Variants in PTDSS1 observed in about 807,000 individuals in gnomAD.
The protein encoded by PTDSS1 is PSS-1.
In PTDSS1, 45 loss-of-function variants were observed where a neutral mutation model predicts 70.5. That is an observed-to-expected ratio of 0.64 (90% CI 0.50 to 0.82). The LOEUF (loss-of-function observed/expected upper bound fraction) is 0.82. Ranked by LOEUF, PTDSS1 falls within the 40% of genes least tolerant of loss-of-function variation. The probability of loss-of-function intolerance (pLI) is 0.00; values close to 1 mark genes in which losing one functional copy is unlikely to be tolerated. For synonymous variants in PTDSS1, 188 were observed against 203.8 expected, an observed-to-expected ratio of 0.92 and a Z score of 0.66; for missense variants, 417 against 586.1, an observed-to-expected ratio of 0.71 and a Z score of 2.98.
chr8:96,299,912 G>A lies in PTDSS1; in HGVS notation c.752+67G>A. 3.3e-6 allele frequency: 5 copies of A among 1,505,360 alleles called. No homozygotes were observed. In the South Asian group the frequency reaches 5.2e-5, roughly 16 times the overall value. 93.3% of individuals were successfully genotyped at this position (1,505,360 alleles called of 1,614,324 possible). ...GATATATATTTAATTGTTTTGGTAG[G>A]AATCCATTTTAGTATGATCTTTGAT... On this transcript the variant is annotated intron_variant, in intron 6 of 12. Transcript: ENST00000517309.
At chr8:96,327,337 G>T (rs1005099405) in intron 10 of PTDSS1, among the ~76,000 whole-genome samples, 1 of 152,100 alleles carries the variant, frequency 6.6e-6, no homozygotes, top group Non-Finnish European at 1.5e-5. Flanking sequence ...AAGACAGGCA[G>T]AATCTCTGAT....
chr8:96,290,091 T>C (rs916529666), intron 4 of PTDSS1, among the ~76,000 whole-genome samples: 5 of 152,220 alleles, frequency 3.3e-5, no homozygotes, highest in Admixed American at 2.0e-4. Flanking sequence ...GGGGAGGAGA[T>C]GGAAGCTTAA....
At chr8:96,309,889 G>A (rs1811182954) in intron 9 of PTDSS1, among the ~76,000 whole-genome samples, 1 of 152,036 alleles carries the variant, frequency 6.6e-6, no homozygotes. Flanking sequence ...TTGGCCGGGT[G>A]CAGTGGCTCA....
chr8:96,326,961 G>T (rs758184794), intron 10 of PTDSS1, among the ~76,000 whole-genome samples: 2 of 152,196 alleles, frequency 1.3e-5, no homozygotes, highest in Admixed American at 1.3e-4. Context: ...GGGGACTTGA[G>T]TGCCACTCCA....
At chr8:96,278,553 T>A (rs1293303400) in intron 2 of PTDSS1, among the ~76,000 whole-genome samples, 1 of 152,226 alleles carries the variant, frequency 6.6e-6, no homozygotes, top group Non-Finnish European at 1.5e-5. Context: ...GCCTCTTCAG[T>A]TCTCCTCTTC....
intron 11 of PTDSS1, chr8:96,330,747 G>A (rs956912686): frequency 2.9e-5 from 13 of 451,198 alleles, no homozygotes; most frequent in Non-Finnish European, 4.8e-5. Context: ...CTGGTAGACG[G>A]TAATATTTTT....
intron 7 of PTDSS1, among the ~76,000 whole-genome samples, chr8:96,305,263 G>A (rs1026435603): frequency 2.6e-5 from 4 of 152,344 alleles, no homozygotes; most frequent in South Asian, 2.1e-4. Context: ...TGAGCACTGC[G>A]CTGGGATCAG....
chr8:96,291,025 A>G (rs1403249626), intron 4 of PTDSS1, among the ~76,000 whole-genome samples: 3 of 151,560 alleles, frequency 2.0e-5, no homozygotes, highest in African/African-American at 7.3e-5. Context: ...GCTGCATTTC[A>G]AAATATTGAT....
At chr8:96,307,037 C>T (rs1022888318) in intron 8 of PTDSS1, among the ~76,000 whole-genome samples, 8 of 152,116 alleles carry the variant, frequency 5.3e-5, no homozygotes, top group Non-Finnish European at 1.2e-4. Context: ...TCCAGGACAA[C>T]TGAGATAAGC....
chr8:96,333,605 A>T lies in PTDSS1; in HGVS notation c.*39A>T, dbSNP rs1273535608. On this transcript the variant is annotated 3_prime_UTR_variant, in exon 13 of 13. Coordinates refer to ENST00000517309, the MANE Select transcript of PTDSS1 (RefSeq NM_014754.3). ...ATCAAAGATGTTCCAGAGTGCCTAG[A>T]ACTGAGAGGGAAATGGAACTCATTT... 1 of 1,559,648 alleles carries T rather than the reference A, an allele frequency of 6.4e-7. No homozygotes were observed. Among genetic ancestry groups the T allele is most frequent in the South Asian group, 1.1e-5 (1 of 89,954 alleles).
intron 2 of PTDSS1, among the ~76,000 whole-genome samples, chr8:96,277,210 A>T (rs1297955705): frequency 1.3e-5 from 2 of 152,244 alleles, no homozygotes; most frequent in African/African-American, 4.8e-5. Context: ...TTTTCTAAAG[A>T]TCTGTTTATT....
chr8:96,266,925 G>A (rs1203821469), intron 1 of PTDSS1, among the ~76,000 whole-genome samples: 4 of 151,982 alleles, frequency 2.6e-5, no homozygotes, highest in Admixed American at 6.5e-5. Flanking sequence ...TTTCTCTGGG[G>A]TCTACTGCAG....
chr8:96,272,037 T>C (rs1810574155), intron 1 of PTDSS1, among the ~76,000 whole-genome samples: 1 of 152,226 alleles, frequency 6.6e-6, no homozygotes, highest in Non-Finnish European at 1.5e-5. Flanking sequence ...TCATATCTTT[T>C]GCCCGTTTTT....
intron 10 of PTDSS1, among the ~76,000 whole-genome samples, chr8:96,326,112 A>C (rs1199801694): frequency 6.6e-6 from 1 of 152,168 alleles, no homozygotes; most frequent in African/African-American, 2.4e-5. Context: ...CTCAGGCTGC[A>C]CTTGTCTGCT....
rs141868988 is a variant in PTDSS1, at chr8:96,267,270, C to T, written c.179+5051C>T. 1.8e-3 allele frequency among the ~76,000 whole-genome samples: 276 copies of T among 152,310 alleles called. 1 individual carries two copies. The highest frequency in any genetic ancestry group is 3.3e-3 in the Non-Finnish European group (226 of 68,016). On this transcript the variant is annotated intron_variant, in intron 1 of 12. Transcript: ENST00000517309. ...GGCATCCCATTTAATTCAATTAATT[C>T]AATTCAACAGTTCATAGTCCTCATT...
chr8:96,320,370 GGCATTA>G, intron 10 of PTDSS1, 25 bp downstream of exon 10: 1 of 1,548,158 alleles, frequency 6.5e-7, no homozygotes, highest in Non-Finnish European at 8.9e-7. Flanking sequence ...TTTACCCAAA[GGCATTA>G]GCTAAACTCT....
rs145897759 is a variant in PTDSS1, at chr8:96,297,785, C to A, written c.601-1909C>A. On this transcript the variant is annotated intron_variant, in intron 5 of 12. Transcript: ENST00000517309. ...CGCCACTCTCCTTTGAAATGCTCCTCACGTGTTAGACACTCGATAAGTGTC... is the reference window on the plus strand; with the variant it reads ...CGCCACTCTCCTTTGAAATGCTCCTAACGTGTTAGACACTCGATAAGTGTC... 1.2e-3 allele frequency among the ~76,000 whole-genome samples: 183 copies of A among 152,354 alleles called. 2 individuals are homozygous for A. The highest frequency in any genetic ancestry group is 4.2e-3 in the African/African-American group (176 of 41,584).
Position 96,334,044 on chromosome 8 carries a change from T to A in PTDSS1, c.*478T>A. 4.8e-6 allele frequency: 2 copies of A among 415,662 alleles called. No homozygotes were observed. The highest frequency in any genetic ancestry group is 4.3e-6 in the Non-Finnish European group (1 of 234,300). The allele number at this position is 415,662 out of a possible 1,614,324, so 25.7% of individuals were successfully genotyped here. ...ACTTTTCTGTCTTTTATTTGGTTACTGTTGTTATTTGTTTTTAAGTTAGGA... is the reference window on the plus strand; with the variant it reads ...ACTTTTCTGTCTTTTATTTGGTTACAGTTGTTATTTGTTTTTAAGTTAGGA... On this transcript the variant is annotated 3_prime_UTR_variant, in exon 13 of 13. Coordinates refer to ENST00000517309, the MANE Select transcript of PTDSS1 (RefSeq NM_014754.3).
At position 96,333,717 on chromosome 8, in the gene PTDSS1, T is replaced by G; in HGVS notation, c.*151T>G. ...GGGTCATTATTTGAGATCGTAAGTC[T>G]TGTTTCCCACAGACCTGGCCGCGTC... On this transcript the variant is annotated 3_prime_UTR_variant, in exon 13 of 13. Transcript: ENST00000517309. The G allele has an allele frequency of 2.5e-6, 2 of 798,048 alleles. No homozygotes were observed. The highest frequency in any genetic ancestry group is 4.3e-6 in the Non-Finnish European group (2 of 466,824). The allele number at this position is 798,048 out of a possible 1,614,324, so 49.4% of individuals were successfully genotyped here.
Sources: allele counts gnomAD v4.1 joint callset (sites outside exome capture counted in the v4.1 genomes callset), GRCh38; gene constraint gnomAD v4.1.1; transcripts MANE v1.5; gene names NCBI Gene and HGNC (gene_info 2026-07-23, HGNC 2026-07-21).